SHF: variants seen among roughly 807,000 people sequenced by gnomAD.
SHF encodes the protein Src homology 2 domain containing F.
Under a neutral mutation model 42.4 loss-of-function variants are expected in SHF, and 30 were observed. The ratio of observed to expected loss-of-function variants is 0.71; its 90% CI spans 0.53 to 0.96. The LOEUF (loss-of-function observed/expected upper bound fraction) is 0.96, where lower values mean the gene tolerates loss of function less well. Among genes scored for constraint, SHF ranks in the 40% least tolerant of loss-of-function variants. The pLI, the probability that SHF is intolerant of heterozygous loss-of-function variation, is 0.00. For synonymous variants in SHF, 264 were observed against 269.9 expected (o/e 0.98, Z 0.21); for missense variants, 598 against 634.0 (o/e 0.94, Z 0.61).
At chr15:45,179,230 A>G (rs1389072777) in intron 1 of SHF, among the ~76,000 whole-genome samples, 1 of 152,372 alleles carries the variant, frequency 6.6e-6, no homozygotes, top group East Asian at 1.9e-4. Context: ...CAGAGGCTCA[A>G]GGAAGTTAGG....
intron 2 of SHF, 70 bp downstream of exon 2, chr15:45,178,095 T>A (rs1257372272): frequency 6.5e-7 from 1 of 1,544,942 alleles, no homozygotes; most frequent in African/African-American, 1.4e-5. Context: ...GTCCTTAGAC[T>A]TGTGAGTCGC....
chr15:45,200,774 C>T (rs1328942658), exon 1 of SHF: 2 of 456,102 alleles, frequency 4.4e-6, no homozygotes, highest in African/African-American at 4.0e-5. Flanking sequence ...ACTGATTTTC[C>T]TTCTTGTAAA....
intron 6 of SHF, among the ~76,000 whole-genome samples, chr15:45,169,645 C>T (rs544299773): frequency 7.9e-4 from 120 of 152,366 alleles, no homozygotes; most frequent in Non-Finnish European, 1.5e-3. Flanking sequence ...CCTTAGTCCA[C>T]CTGGGGAATT....
At chr15:45,177,864 A>C (rs1237390471) in intron 2 of SHF, among the ~76,000 whole-genome samples, 1 of 152,142 alleles carries the variant, frequency 6.6e-6, no homozygotes, top group Non-Finnish European at 1.5e-5. Context: ...TCCCAAGGCT[A>C]GTGGTTCTCT....
upstream of SHF, among the ~76,000 whole-genome samples, chr15:45,188,963 C>T (rs1211833748): frequency 1.3e-5 from 2 of 152,042 alleles, no homozygotes; most frequent in Non-Finnish European, 2.9e-5. Flanking sequence ...GAGGCCGAAA[C>T]GGGAGGATCA....
At chr15:45,170,269 C>T in intron 6 of SHF, 1 of 1,089,786 alleles carries the variant, frequency 9.2e-7, no homozygotes, top group Non-Finnish European at 1.2e-6. Flanking sequence ...TAACAAACCT[C>T]TTTGAATTTA....
At chr15:45,183,820 T>G (rs566328344) in intron 1 of SHF, among the ~76,000 whole-genome samples, 9 of 152,166 alleles carry the variant, frequency 5.9e-5, no homozygotes, top group African/African-American at 2.2e-4. Flanking sequence ...CTGGGTAGAG[T>G]GGACAGGCCT....
At chr15:45,184,834 C>A (rs1898301836) in intron 1 of SHF, among the ~76,000 whole-genome samples, 1 of 152,244 alleles carries the variant, frequency 6.6e-6, no homozygotes, top group Non-Finnish European at 1.5e-5. Context: ...CCTGCCTGCC[C>A]GTTGCAGGGC....
In SHF at chr15:45,168,026, T is replaced by C. The variant is rs1897303748; in HGVS notation, c.1388A>G (p.His463Arg). Residue 463 changes from histidine (H) to arginine (R), a missense_variant, in exon 7 of 7, where the codon CAC becomes CGC. By Grantham distance (29) the His-to-Arg change is conservative. Coordinates refer to ENST00000690270, the MANE Select transcript of SHF (RefSeq NM_001394037.1). ...PFSSVPEIVH[H>R]YASRKLPIKG... ...AATGGGTAGCTTGCGGCTGGCATAG[T>C]GGTGCACAATTTCAGGGACGCTGCT... The C allele has an allele frequency of 3.1e-6, 5 of 1,613,682 alleles. No homozygotes were observed. The highest frequency in any genetic ancestry group is 4.2e-6 in the Non-Finnish European group (5 of 1,179,716).
intron 1 of SHF, among the ~76,000 whole-genome samples, chr15:45,179,351 GGA>G (rs764911082): frequency 6.6e-5 from 10 of 152,360 alleles, no homozygotes; most frequent in Non-Finnish European, 1.5e-4. Context: ...GGCTGTCCTG[GGA>G]GAGAGAATGC....
Position 45,187,670 on chromosome 15 carries a change from C to A in SHF, c.282G>T (p.Leu94=). Reference sequence around the variant, plus strand: ...GCTCCCGCTGCAGCCTGTAGGCGGCCAGGATGTCCGGGGGCGGCGCGGGGG... The same window carrying A: ...GCTCCCGCTGCAGCCTGTAGGCGGCAAGGATGTCCGGGGGCGGCGCGGGGG... The part of the protein sequence containing the change: ...AAPPAPPPDI[L]AAYRLQRERD... Residue 94 remains leucine (L), a synonymous_variant, in exon 1 of 7, where the codon CTG becomes CTT. Transcript: ENST00000690270. 8.2e-7 allele frequency: 1 copy of A among 1,224,472 alleles called. No homozygotes were observed. The allele number at this position is 1,224,472 out of a possible 1,614,324, so 75.9% of individuals were successfully genotyped here. A position where few individuals can be genotyped will look rare whatever the true frequency, so the allele number is the denominator to read the frequency against.
At chr15:45,184,730 G>A (rs1416193976) in intron 1 of SHF, among the ~76,000 whole-genome samples, 3 of 152,362 alleles carry the variant, frequency 2.0e-5, no homozygotes, top group East Asian at 1.9e-4. Flanking sequence ...AAAGCAAGGG[G>A]CCCAGCTCTC....
intron 2 of SHF, among the ~76,000 whole-genome samples, chr15:45,197,696 A>G (rs916690093): frequency 6.6e-6 from 1 of 152,186 alleles, no homozygotes; most frequent in Admixed American, 6.5e-5. Context: ...GGCCTGGGTA[A>G]AAGAGGAACA....
At chr15:45,182,495 A>G (rs1185840070) in intron 1 of SHF, among the ~76,000 whole-genome samples, 1 of 152,230 alleles carries the variant, frequency 6.6e-6, no homozygotes, top group African/African-American at 2.4e-5. Flanking sequence ...CTATTCAGGT[A>G]TTAAGGCCTC....
In SHF at chr15:45,173,618, G is replaced by T; in HGVS notation, c.946C>A (p.Pro316Thr). 1 of 1,549,512 alleles carries T rather than the reference G, an allele frequency of 6.5e-7. No homozygotes were observed. ...CTGGGCTCAGGGAGGGGCGAGGCTG[G>T]ACCGGAGATGTCCCTGTCCCCATCA... ...LPDGDRDISG[P>T]ASPLPEPSLE... The change falls in exon 4 of 7, where the codon CCA (proline) becomes ACA (threonine). Residue 316 changes from proline (P) to threonine (T), a missense_variant. Pro to Thr is a conservative substitution (Grantham distance 38). Around this residue, in one of 2 missense-constraint regions of SHF, gnomAD observed 439 missense variants for 524.6 expected, o/e 0.84. Transcript: ENST00000690270.
chr15:45,196,533 T>C (rs1188664645), intron 2 of SHF, among the ~76,000 whole-genome samples: 1 of 152,188 alleles, frequency 6.6e-6, no homozygotes, highest in Non-Finnish European at 1.5e-5. Flanking sequence ...AGGTCCTTCC[T>C]AGCATTTCAT....
intron 1 of SHF, chr15:45,200,433 C>CA (rs1271529055): frequency 4.2e-6 from 1 of 236,776 alleles, no homozygotes; most frequent in Non-Finnish European, 8.8e-6. Context: ...CGGATTCGAA[C>CA]CGAGGTTGCT....
chr15:45,193,986 C>G (rs2141446519), intron 2 of SHF, among the ~76,000 whole-genome samples: 1 of 150,312 alleles, frequency 6.7e-6, no homozygotes, highest in East Asian at 2.0e-4. Flanking sequence ...CCTGTAGTCA[C>G]AGCCACTCAG....
At position 45,167,878 on chromosome 15, in the gene SHF, C is replaced by T; in HGVS notation, c.*69G>A. On this transcript the variant is annotated 3_prime_UTR_variant, in exon 7 of 7. Transcript: ENST00000690270. The stretch of plus-strand genomic sequence containing the variant: ...TGAAAGATCACGTCCCTGGCAAGAG[C>T]CACAGCCCTCAGCCAGGTGATGGGC... 7.3e-7 allele frequency: 1 copy of T among 1,369,830 alleles called. No homozygotes were observed. Among genetic ancestry groups the T allele is most frequent in the Non-Finnish European group, 9.6e-7 (1 of 1,036,928 alleles). The allele number at this position is 1,369,830 out of a possible 1,614,324, so 84.9% of individuals were successfully genotyped here.
Sources: allele counts gnomAD v4.1 joint callset (sites outside exome capture counted in the v4.1 genomes callset), GRCh38; gene constraint gnomAD v4.1.1; regional missense constraint gnomAD v4.1.1; transcripts MANE v1.5; gene names NCBI Gene and HGNC (gene_info 2026-07-23, HGNC 2026-07-21).